Variants in CHD7 observed in about 807,000 individuals in gnomAD.
CHD7 encodes ATP-dependent chromatin remodeler CHD7.
In CHD7, 24 loss-of-function variants were observed where a neutral mutation model predicts 307.3. That is an observed-to-expected ratio of 0.08 (90% CI 0.06 to 0.11). The LOEUF (loss-of-function observed/expected upper bound fraction) is 0.11. Ranked by LOEUF, CHD7 falls within the 10% of genes least tolerant of loss-of-function variation. The pLI, the probability that CHD7 is intolerant of heterozygous loss-of-function variation, is 1.00. For synonymous variants in CHD7, 1,363 were observed against 1,349.9 expected, an observed-to-expected ratio of 1.01 and a Z score of -0.21; for missense variants, 3,106 against 3,727.1, an observed-to-expected ratio of 0.83 and a Z score of 4.34.
chr8:60,800,435 C>G lies in CHD7; in HGVS notation c.2286C>G (p.Asp762Glu), dbSNP rs1208117759. ...RQVKRKRYTE[D>E]LEFKISDEEA... ...TGAAGAGAAAGCGCTACACTGAAGA[C>G]CTGGAGTTCAAGATTTCTGATGAGG... The change falls in exon 5 of 38, where the codon GAC (aspartate) becomes GAG (glutamate). Residue 762 changes from aspartate to glutamate, a missense_variant. Coordinates refer to ENST00000423902, the MANE Select transcript of CHD7 (RefSeq NM_017780.4). 1 of 1,613,796 alleles carries G rather than the reference C, an allele frequency of 6.2e-7. No individual in the cohort carries two copies.
At chr8:60,826,072 A>G (rs1369165213) in intron 13 of CHD7, among the ~76,000 whole-genome samples, 1 of 152,206 alleles carries the variant, frequency 6.6e-6, no homozygotes, top group East Asian at 1.9e-4. Context: ...TCTGTTATCC[A>G]AATAATTTTC....
At chr8:60,822,896 ATCTT>A (rs1352021070) in intron 12 of CHD7, 150 bp downstream of exon 12, 1 of 582,198 alleles carries the variant, frequency 1.7e-6, no homozygotes, top group African/African-American at 1.9e-5. Flanking sequence ...CATTTGTATT[ATCTT>A]TCTGTGTCTA....
chr8:60,796,006 C>G (rs1188632474), intron 4 of CHD7, among the ~76,000 whole-genome samples: 3 of 152,208 alleles, frequency 2.0e-5, no homozygotes, highest in Non-Finnish European at 4.4e-5. Flanking sequence ...CCTGTACCCC[C>G]ACCAGTCAGA....
In CHD7 at chr8:60,845,246, C is replaced by T. The variant is rs71640288; in HGVS notation, c.5051-4C>T. The T allele has an allele frequency of 8.9e-3, 14,304 of 1,606,486 alleles. 87 individuals carry two copies. The highest frequency in any genetic ancestry group is 0.011 in the Non-Finnish European group (12,685 of 1,174,778). On this transcript the variant is annotated splice_polypyrimidine_tract_variant and splice_region_variant and intron_variant, in intron 22 of 37. Coordinates refer to ENST00000423902, the MANE Select transcript of CHD7 (RefSeq NM_017780.4). ...TTCTATTATTATTATGATGGTGATT[C>T]TAGGTTTGTCAGCTCCTGTGCCAAG...
intron 1 of CHD7, among the ~76,000 whole-genome samples, chr8:60,713,433 A>G (rs1807389287): frequency 1.3e-5 from 2 of 151,938 alleles, no homozygotes; most frequent in Non-Finnish European, 2.9e-5. Context: ...TTTAATTGAA[A>G]GGCAGTACTA....
At chr8:60,754,959 A>G (rs1161454944) in intron 2 of CHD7, among the ~76,000 whole-genome samples, 6 of 152,232 alleles carry the variant, frequency 3.9e-5, no homozygotes, top group Admixed American at 1.3e-4. Context: ...GATCCACTTC[A>G]TGCCCTTGTT....
At chr8:60,681,927 A>T in intron 1 of CHD7, among the ~76,000 whole-genome samples, 1 of 152,222 alleles carries the variant, frequency 6.6e-6, no homozygotes, top group East Asian at 1.9e-4. Context: ...TATGAATTTT[A>T]AATTATTATA....
intron 2 of CHD7, among the ~76,000 whole-genome samples, chr8:60,755,569 A>G (rs1809852489): frequency 6.6e-6 from 1 of 152,116 alleles, no homozygotes; most frequent in East Asian, 1.9e-4. Flanking sequence ...AAATATTGGT[A>G]AAAATGAGAT....
chr8:60,681,812 C>G (rs558007399), intron 1 of CHD7, among the ~76,000 whole-genome samples: 2 of 151,902 alleles, frequency 1.3e-5, no homozygotes, highest in Non-Finnish European at 2.9e-5. Flanking sequence ...TTCTCCTGTT[C>G]GAGTCACTAA....
At position 60,691,664 on chromosome 8, in the gene CHD7, C is replaced by T. The variant is rs151223027; in HGVS notation, c.-175+12582C>T. Among the ~76,000 whole-genome samples the T allele has an allele frequency of 5.5e-3, 837 of 152,326 alleles. 13 individuals are homozygous for T. The highest frequency in any genetic ancestry group is 5.7e-3 in the Non-Finnish European group (387 of 68,030). ...CTGCAGCTAATGTTCTTACCCACTC[C>T]TCCCTTCCACCTCACCAGGATTAAG... is the stretch of plus-strand genomic sequence containing the variant. On this transcript the variant is annotated intron_variant, in intron 1 of 37. Coordinates refer to ENST00000423902, the MANE Select transcript of CHD7 (RefSeq NM_017780.4).
intron 1 of CHD7, among the ~76,000 whole-genome samples, chr8:60,680,207 C>T (rs898263961): frequency 6.6e-6 from 1 of 151,702 alleles, no homozygotes. Flanking sequence ...CGGCTTGGAG[C>T]GTGAACGGCC....
chr8:60,725,021 T>TCA (rs1808097228), intron 1 of CHD7, among the ~76,000 whole-genome samples: 1 of 152,244 alleles, frequency 6.6e-6, no homozygotes, highest in South Asian at 2.1e-4. Context: ...GTGGATTATT[T>TCA]GTTTAAAAGA....
chr8:60,804,975 A>G (rs1461621998), intron 6 of CHD7, among the ~76,000 whole-genome samples: 2 of 152,238 alleles, frequency 1.3e-5, no homozygotes, highest in African/African-American at 4.8e-5. Context: ...TTTAATTCAT[A>G]ATATTACTGG....
intron 8 of CHD7, among the ~76,000 whole-genome samples, chr8:60,816,931 GA>G (rs761375185): frequency 3.9e-5 from 6 of 152,184 alleles, no homozygotes; most frequent in Non-Finnish European, 5.9e-5. Context: ...TAATTACAGA[GA>G]GTTCACTAAA....
intron 23 of CHD7, 60 bp from the exon 24 acceptor site, chr8:60,848,455 C>A: frequency 8.4e-7 from 1 of 1,192,070 alleles, no homozygotes; most frequent in Non-Finnish European, 1.2e-6. Flanking sequence ...TGCCAAAAGC[C>A]ACTGTTGGCA....
chr8:60,743,494 G>A (rs897742254), intron 2 of CHD7, among the ~76,000 whole-genome samples: 10 of 152,138 alleles, frequency 6.6e-5, no homozygotes, highest in South Asian at 4.1e-4. Flanking sequence ...AGATTTATGC[G>A]TGTGTGGTAG....
At position 60,742,370 on chromosome 8, in the gene CHD7, A is replaced by G. The variant is rs1472626804; in HGVS notation, c.938A>G (p.Tyr313Cys). The G allele has an allele frequency of 3.1e-6, 5 of 1,613,910 alleles. No homozygotes were observed. In the Admixed American group the frequency reaches 6.7e-5, roughly 22 times the overall value. The stretch of plus-strand genomic sequence containing the variant: ...AACAACTCAGGGCAGTATTCTCGAT[A>G]TCCTTACAGTAACCTAAATCAGGGA... ...TINNSGQYSR[Y>C]PYSNLNQGLV... The change falls in exon 2 of 38, where the codon TAT becomes TGT. Residue 313 changes from tyrosine to cysteine, a missense_variant. Tyr to Cys is a radical substitution (Grantham distance 194). This residue lies in a region of CHD7 where 998 missense variants were observed against 1,004.5 expected (regional missense o/e 0.99). Coordinates refer to ENST00000423902, the MANE Select transcript of CHD7 (RefSeq NM_017780.4).
intron 13 of CHD7, among the ~76,000 whole-genome samples, chr8:60,827,356 A>G (rs1195958707): frequency 6.6e-6 from 1 of 152,198 alleles, no homozygotes; most frequent in Non-Finnish European, 1.5e-5. Flanking sequence ...AGCAGTCAAG[A>G]TTTAATTTAA....
intron 1 of CHD7, among the ~76,000 whole-genome samples, chr8:60,701,723 A>G (rs563152974): frequency 6.6e-6 from 1 of 152,368 alleles, no homozygotes; most frequent in South Asian, 2.1e-4. Flanking sequence ...TGTTGGTTTG[A>G]AAGGTATCTG....
Sources: allele counts gnomAD v4.1 joint callset (sites outside exome capture counted in the v4.1 genomes callset), GRCh38; gene constraint gnomAD v4.1.1; regional missense constraint gnomAD v4.1.1; transcripts MANE v1.5; gene names NCBI Gene and HGNC (gene_info 2026-07-23, HGNC 2026-07-21).